IL4R: variants seen among roughly 807,000 people sequenced by gnomAD.
IL4R encodes interleukin-4 receptor subunit alpha.
IL4R carries 17 observed loss-of-function variants against 41.5 expected under a neutral mutation model. The ratio of observed to expected loss-of-function variants is 0.41; its 90% CI spans 0.28 to 0.61. IL4R has a LOEUF of 0.61. IL4R is among the 20% of genes least tolerant of loss of function. IL4R has a pLI of 0.31. For missense variants in IL4R, 974 were observed against 1,043.1 expected, an observed-to-expected ratio of 0.93 and a Z score of 0.91; for synonymous variants, 402 against 422.9, an observed-to-expected ratio of 0.95 and a Z score of 0.61.
chr16:27,354,740 G>T (rs1166061643), intron 7 of IL4R, among the ~76,000 whole-genome samples: 1 of 152,224 alleles, frequency 6.6e-6, no homozygotes. Context: ...TCTTCAACGT[G>T]GTAGGTGCAG....
chr16:27,335,591 AC>A (rs2085240482), intron 2 of IL4R, among the ~76,000 whole-genome samples: 1 of 152,156 alleles, frequency 6.6e-6, no homozygotes, highest in African/African-American at 2.4e-5. Context: ...TCCAAGGGTT[AC>A]AAGTGGATAC....
chr16:27,333,793 A>G (rs3916997), intron 2 of IL4R, among the ~76,000 whole-genome samples: 78,716 of 151,780 alleles, frequency 0.52, 21,523 homozygotes, highest in African/African-American at 0.69. Flanking sequence ...GCATGTCAGA[A>G]GTGGGGTGTT....
intron 1 of IL4R, among the ~76,000 whole-genome samples, chr16:27,314,493 C>T (rs1309288097): frequency 6.6e-6 from 1 of 152,232 alleles, no homozygotes; most frequent in Admixed American, 6.5e-5. Flanking sequence ...TCAGATGGAC[C>T]CAATAATCGC....
intron 9 of IL4R, among the ~76,000 whole-genome samples, chr16:27,360,522 T>C (rs951547499): frequency 3.3e-5 from 5 of 152,162 alleles, no homozygotes; most frequent in African/African-American, 9.7e-5. Flanking sequence ...CCAGTGTAGA[T>C]TCAAGGGATG....
At position 27,357,342 on chromosome 16, in the gene IL4R, C is replaced by T. The variant is rs150966484; in HGVS notation, c.770+1435C>T. On this transcript the variant is annotated intron_variant, in intron 8 of 10. Transcript: ENST00000395762. ...TTAGCCAGGCTGAAGTGCAGTGGCGCGGTTACGGCTCACTGCAGCCTCCAA... is the reference window on the plus strand; with the variant it reads ...TTAGCCAGGCTGAAGTGCAGTGGCGTGGTTACGGCTCACTGCAGCCTCCAA... 6.8e-3 allele frequency among the ~76,000 whole-genome samples: 1,037 copies of T among 152,272 alleles called. 10 individuals carry two copies. Among genetic ancestry groups the T allele is most frequent in the African/African-American group, 0.023 (946 of 41,544 alleles).
In IL4R at chr16:27,352,566, A is replaced by C; in HGVS notation, c.540A>C (p.Leu180=). 6.2e-7 allele frequency: 1 copy of C among 1,614,184 alleles called. No homozygotes were observed. Among genetic ancestry groups the C allele is most frequent in the Non-Finnish European group, 8.5e-7 (1 of 1,180,010 alleles). ...ADFRIYNVTY[L]EPSLRIAAST... ...TCAGAATCTATAACGTGACCTACCTAGAACCCTCCCTCCGCATCGCAGCCA... is the reference window on the plus strand; with the variant it reads ...TCAGAATCTATAACGTGACCTACCTCGAACCCTCCCTCCGCATCGCAGCCA... Residue 180 remains leucine, a synonymous_variant, in exon 7 of 11, where the codon CTA becomes CTC. Transcript: ENST00000395762.
intron 5 of IL4R, among the ~76,000 whole-genome samples, chr16:27,346,128 G>T (rs1031952875): frequency 3.3e-5 from 5 of 152,144 alleles, no homozygotes; most frequent in Non-Finnish European, 7.3e-5. Flanking sequence ...GGAGCCCAGC[G>T]CAGGCAGATC....
chr16:27,331,092 A>G (rs374592622), intron 2 of IL4R, among the ~76,000 whole-genome samples: 2 of 152,134 alleles, frequency 1.3e-5, no homozygotes, highest in African/African-American at 4.8e-5. Flanking sequence ...CTGCTCAAAG[A>G]CCCTCAAAAG....
rs151179009 is a variant in IL4R, at chr16:27,340,220, C to T, written c.17C>T (p.Ser6Phe). 4.3e-6 allele frequency: 7 copies of T among 1,613,862 alleles called. No individual in the cohort carries two copies. The highest frequency in any genetic ancestry group is 8.5e-7 in the Non-Finnish European group (1 of 1,179,960). The change falls in exon 3 of 11, where the codon TCT becomes TTT. Residue 6 changes from serine to phenylalanine, a missense_variant. By Grantham distance (155) the Ser-to-Phe change is radical. Coordinates refer to ENST00000395762, the MANE Select transcript of IL4R (RefSeq NM_000418.4). ...CATCTCCCAATGGGGTGGCTTTGCT[C>T]TGGGCTCCTGTTCCCTGTGAGCTGC... Reference protein sequence around the residue: MGWLCSGLLFPVSCLV... With the variant: MGWLCFGLLFPVSCLV...
intron 10 of IL4R, 152 bp from the exon 11 acceptor site, chr16:27,362,100 A>T: frequency 1.3e-6 from 1 of 788,722 alleles, no homozygotes; most frequent in Non-Finnish European, 2.1e-6. Flanking sequence ...CATTCTAGCA[A>T]CATAGACTGA....
intron 1 of IL4R, among the ~76,000 whole-genome samples, chr16:27,316,631 A>G (rs1202951256): frequency 6.6e-6 from 1 of 152,226 alleles, no homozygotes; most frequent in African/African-American, 2.4e-5. Context: ...CACAATGTCC[A>G]ACACCCAGTG....
intron 2 of IL4R, chr16:27,334,548 C>T (rs1330793719): frequency 6.6e-6 from 1 of 152,112 alleles, no homozygotes; most frequent in East Asian, 1.9e-4. Context: ...TGAAAGTCTT[C>T]TGCTGTGTGA....
At chr16:27,355,071 G>A (rs1425878824) in intron 7 of IL4R, 1 of 449,232 alleles carries the variant, frequency 2.2e-6, no homozygotes, top group Non-Finnish European at 4.8e-6. Context: ...TAGACACTGG[G>A]GAATCGGCGA....
chr16:27,344,893 C>T lies in IL4R; in HGVS notation c.234C>T (p.Asn78=). The part of the protein sequence containing the change: ...LSEAHTCIPE[N]NGGAGCVCHL... ...GAGCCCACACGTGTATCCCTGAGAA[C>T]AACGGAGGCGCGGGGTGCGTGTGCC... Residue 78 remains asparagine (N), a synonymous_variant, in exon 5 of 11, where the codon AAC becomes AAT. Coordinates refer to ENST00000395762, the MANE Select transcript of IL4R (RefSeq NM_000418.4). 6.2e-7 allele frequency: 1 copy of T among 1,614,228 alleles called. No individual in the cohort carries two copies. Among genetic ancestry groups the T allele is most frequent in the Non-Finnish European group, 8.5e-7 (1 of 1,180,048 alleles).
At chr16:27,340,679 G>T (rs919360307) in intron 3 of IL4R, among the ~76,000 whole-genome samples, 1 of 152,018 alleles carries the variant, frequency 6.6e-6, no homozygotes, top group African/African-American at 2.4e-5. Context: ...CTGTGATCGC[G>T]CCACTCCACT....
At position 27,363,078 on chromosome 16, in the gene IL4R, C is replaced by T. The variant is rs372031763; in HGVS notation, c.1726C>T (p.Gln576Ter). Residue 576 changes from glutamine (Q) to a stop codon, truncating the protein, a stop_gained, in exon 11 of 11, where the codon CAG (glutamine) becomes TAG (stop). Coordinates refer to ENST00000395762, the MANE Select transcript of IL4R (RefSeq NM_000418.4). LOFTEE classifies it low-confidence loss of function (END_TRUNC). ...CGTCTCGGCCCCCACCAGTGGCTATCAGGAGTTTGTACATGCGGTGGAGCA... is the reference window on the plus strand; with the variant it reads ...CGTCTCGGCCCCCACCAGTGGCTATTAGGAGTTTGTACATGCGGTGGAGCA... ...APVSAPTSGY[Q>*]EFVHAVEQGG... The T allele has an allele frequency of 3.7e-6, 6 of 1,614,150 alleles. No individual in the cohort carries two copies. In the African/African-American group the frequency reaches 5.3e-5, roughly 14 times the overall value.
At chr16:27,361,311 A>T (rs564770127) in intron 10 of IL4R, among the ~76,000 whole-genome samples, 1 of 151,872 alleles carries the variant, frequency 6.6e-6, no homozygotes, top group Non-Finnish European at 1.5e-5. Context: ...GCTATTTTAA[A>T]AGGTTTTTGC....
chr16:27,314,177 G>C, intron 1 of IL4R, 157 bp downstream of exon 1: 1 of 903,122 alleles, frequency 1.1e-6, no homozygotes, highest in Non-Finnish European at 1.3e-6. Flanking sequence ...TGCGCGCGGA[G>C]CAGCGCCCGG....
intron 3 of IL4R, 187 bp from the exon 4 acceptor site, chr16:27,341,934 C>T (rs1347539408): frequency 3.4e-6 from 2 of 590,784 alleles, no homozygotes; most frequent in South Asian, 2.3e-5. Flanking sequence ...TCTTCAGCTT[C>T]CACAGTCATC....
Sources: gnomAD v4.1 joint callset for allele counts (sites outside exome capture counted in the v4.1 genomes callset) on GRCh38, gnomAD v4.1.1 for gene constraint, MANE v1.5 for transcripts, NCBI Gene and HGNC (gene_info 2026-07-23, HGNC 2026-07-21) for gene names.